Variants in SHISA6 observed in about 807,000 individuals in gnomAD.
SHISA6 encodes the protein shisa family member 6.
SHISA6 carries 22 observed loss-of-function variants against 47.9 expected under a neutral mutation model. That is an observed-to-expected ratio of 0.46 (90% CI 0.33 to 0.66). The LOEUF is 0.66. SHISA6 is among the 30% of genes least tolerant of loss of function. The pLI, the probability that SHISA6 is intolerant of heterozygous loss-of-function variation, is 0.02. For synonymous variants in SHISA6, 388 were observed against 337.8 expected (o/e 1.15, Z -1.63); for missense variants, 680 against 764.6 (o/e 0.89, Z 1.30).
chr17:11,258,940 G>GATGGAGTGTTGGGTGGAGGGATGA (rs1908122791), intron 1 of SHISA6, among the ~76,000 whole-genome samples: 1 of 152,208 alleles, frequency 6.6e-6, no homozygotes, highest in Admixed American at 6.5e-5. Flanking sequence ...TGGATGGATG[G>GATGGAGTGTTGGGTGGAGGGATGA]ATGGAGTGTT....
intron 3 of SHISA6, among the ~76,000 whole-genome samples, chr17:11,524,404 A>G (rs1038974919): frequency 6.6e-6 from 1 of 152,096 alleles, no homozygotes; most frequent in African/African-American, 2.4e-5. Flanking sequence ...AATTAGCAGC[A>G]TGTTTTTAAA....
At chr17:11,329,911 C>T (rs1158477782) in intron 2 of SHISA6, among the ~76,000 whole-genome samples, 1 of 151,952 alleles carries the variant, frequency 6.6e-6, no homozygotes, top group African/African-American at 2.4e-5. Flanking sequence ...TCTCTCCCTC[C>T]CTCCCTCCCT....
rs139659015 is a variant in SHISA6, at chr17:11,431,085, C to T, written c.895+51576C>T. 7.9e-3 allele frequency among the ~76,000 whole-genome samples: 1,199 copies of T among 152,292 alleles called. 22 individuals carry two copies. The highest frequency in any genetic ancestry group is 0.027 in the African/African-American group (1,131 of 41,552). ...AGGGACTGAAGCATAGATTATGATG[C>T]CACCTGGCATGAGTTTCCCACATCT... On this transcript the variant is annotated intron_variant, in intron 3 of 5. Coordinates refer to ENST00000441885, the MANE Select transcript of SHISA6 (RefSeq NM_207386.4).
chr17:11,269,647 G>A (rs1908566933), intron 2 of SHISA6, among the ~76,000 whole-genome samples: 1 of 152,238 alleles, frequency 6.6e-6, no homozygotes, highest in South Asian at 2.1e-4. Context: ...CTCACAGGAA[G>A]TAGGACTTTT....
chr17:11,449,848 G>C lies in SHISA6; in HGVS notation c.895+70339G>C, dbSNP rs563278897. Among the ~76,000 whole-genome samples the C allele has an allele frequency of 5.4e-4, 82 of 152,314 alleles. No individual in the cohort carries two copies. In the South Asian group the frequency reaches 0.016, roughly 30 times the overall value. On this transcript the variant is annotated intron_variant, in intron 3 of 5. Coordinates refer to ENST00000441885, the MANE Select transcript of SHISA6 (RefSeq NM_207386.4). ...CGATAGATGTTTCACACAAGGCTGTGTCTCTGTCTTCACATGGTGTTTTCT... is the reference window on the plus strand; with the variant it reads ...CGATAGATGTTTCACACAAGGCTGTCTCTCTGTCTTCACATGGTGTTTTCT...
At chr17:11,471,561 C>A (rs1392916372) in intron 3 of SHISA6, among the ~76,000 whole-genome samples, 1 of 152,202 alleles carries the variant, frequency 6.6e-6, no homozygotes, top group Non-Finnish European at 1.5e-5. Context: ...CAAATGTCAT[C>A]TGCTCAGAGG....
chr17:11,264,902 A>C (rs997048240), intron 2 of SHISA6, among the ~76,000 whole-genome samples: 1 of 152,242 alleles, frequency 6.6e-6, no homozygotes. Flanking sequence ...ACATATTCAT[A>C]TTCAATCAAC....
At chr17:11,277,034 C>T (rs906022937) in intron 2 of SHISA6, among the ~76,000 whole-genome samples, 6 of 151,966 alleles carry the variant, frequency 3.9e-5, no homozygotes, top group Non-Finnish European at 5.9e-5. Flanking sequence ...GACTTTTGGC[C>T]AGACCAAACA....
chr17:11,533,607 T>TTG, intron 3 of SHISA6, among the ~76,000 whole-genome samples: 1 of 146,460 alleles, frequency 6.8e-6, no homozygotes, highest in Non-Finnish European at 1.5e-5. Flanking sequence ...TTTTTTTTTT[T>TTG]TTTGAGATGG....
intron 3 of SHISA6, among the ~76,000 whole-genome samples, chr17:11,438,126 T>C (rs894108262): frequency 6.6e-6 from 1 of 152,204 alleles, no homozygotes; most frequent in African/African-American, 2.4e-5. Flanking sequence ...ATATTACTCA[T>C]TGCCTTCTTG....
intron 2 of SHISA6, among the ~76,000 whole-genome samples, chr17:11,354,165 A>C (rs543120782): frequency 1.4e-3 from 209 of 152,312 alleles, no homozygotes; most frequent in African/African-American, 3.8e-3. Context: ...AATCACTCCC[A>C]GTATAGCACT....
At chr17:11,514,938 T>G (rs2071570440) in intron 3 of SHISA6, among the ~76,000 whole-genome samples, 1 of 152,164 alleles carries the variant, frequency 6.6e-6, no homozygotes, top group Non-Finnish European at 1.5e-5. Flanking sequence ...TATCCTTGTC[T>G]CTAACTGTGC....
At chr17:11,265,022 C>T (rs908244416) in intron 2 of SHISA6, among the ~76,000 whole-genome samples, 6 of 152,158 alleles carry the variant, frequency 3.9e-5, no homozygotes, top group Admixed American at 3.3e-4. Context: ...GATGCATTTT[C>T]AGCTTTAATA....
At chr17:11,367,302 G>A (rs1912485326) in intron 2 of SHISA6, among the ~76,000 whole-genome samples, 1 of 152,114 alleles carries the variant, frequency 6.6e-6, no homozygotes, top group South Asian at 2.1e-4. Flanking sequence ...TGATGAAAAG[G>A]GATAGGCCAT....
intron 3 of SHISA6, among the ~76,000 whole-genome samples, chr17:11,511,447 T>G (rs1310505780): frequency 1.3e-5 from 2 of 152,056 alleles, no homozygotes; most frequent in East Asian, 3.9e-4. Flanking sequence ...GAACTTAAAG[T>G]AAATTTTTAA....
At chr17:11,287,728 A>AGGAAGGAAGGAGGGAGGGGGGGAGGAG (rs1909369870) in intron 2 of SHISA6, among the ~76,000 whole-genome samples, 1 of 14,430 alleles carries the variant, frequency 6.9e-5, no homozygotes, top group Non-Finnish European at 1.3e-4. Context: ...GGAGGGAGGA[A>AGGAAGGAAGGAGGGAGGGGGGGAGGAG]GGGGCTGGGA....
chr17:11,537,356 G>A (rs1358310740), intron 3 of SHISA6, among the ~76,000 whole-genome samples: 5 of 151,946 alleles, frequency 3.3e-5, no homozygotes, highest in African/African-American at 4.8e-5. Context: ...ACTGGGTGGC[G>A]GCGGGGGGGA....
At chr17:11,303,878 G>C (rs1910012986) in intron 2 of SHISA6, among the ~76,000 whole-genome samples, 1 of 152,208 alleles carries the variant, frequency 6.6e-6, no homozygotes. Context: ...TCCTCCAGTT[G>C]TGTTTCTAGG....
rs796252085 is a variant in SHISA6, at chr17:11,533,596, T to A, written c.896-18300T>A. On this transcript the variant is annotated intron_variant, in intron 3 of 5. Coordinates refer to ENST00000441885, the MANE Select transcript of SHISA6 (RefSeq NM_207386.4). ...AAGCTTCCCTTTCATTATTTTTTTT[T>A]TTTTTTTTTTTTTTGAGATGGAGTC... Among the ~76,000 whole-genome samples, 491 of 136,428 alleles carry A rather than the reference T, an allele frequency of 3.6e-3. 4 individuals carry two copies. Among genetic ancestry groups the A allele is most frequent in the African/African-American group, 0.014 (453 of 33,302 alleles). The allele number at this position is 136,428 out of a possible 152,430, so 89.5% of individuals were successfully genotyped here.
Sources: allele counts gnomAD v4.1 joint callset (sites outside exome capture counted in the v4.1 genomes callset), GRCh38; gene constraint gnomAD v4.1.1; transcripts MANE v1.5; gene names NCBI Gene and HGNC (gene_info 2026-07-23, HGNC 2026-07-21).